Variants in KIF16B observed in about 807,000 individuals in gnomAD.
KIF16B encodes kinesin family member 16B, also known as kinesin-like protein KIF16B.
A neutral mutation model predicts 156.3 loss-of-function variants in KIF16B; 98 were observed. The ratio of observed to expected loss-of-function variants is 0.63; its 90% confidence interval spans 0.53 to 0.74. KIF16B has a LOEUF of 0.74. Among genes scored for constraint, KIF16B ranks in the 30% least tolerant of loss-of-function variants. KIF16B has a pLI of 0.00. For synonymous variants in KIF16B, 564 were observed against 583.7 expected, an observed-to-expected ratio of 0.97 and a Z score of 0.49; for missense variants, 1,421 against 1,606.5, an observed-to-expected ratio of 0.88 and a Z score of 1.97.
chr20:16,386,641 A>T (rs767806509), intron 17 of KIF16B, among the ~76,000 whole-genome samples: 3 of 151,812 alleles, frequency 2.0e-5, no homozygotes, highest in African/African-American at 4.8e-5. Context: ...AGCAGGAGAC[A>T]GAGAGATTGA....
intron 3 of KIF16B, among the ~76,000 whole-genome samples, chr20:16,517,598 C>T (rs558512139): frequency 1.3e-5 from 2 of 152,240 alleles, no homozygotes; most frequent in Admixed American, 1.3e-4. Context: ...GTCCTCTTCC[C>T]ACACCCTCGA....
chr20:16,287,231 A>T (rs1300191119), intron 25 of KIF16B, among the ~76,000 whole-genome samples: 1 of 152,260 alleles, frequency 6.6e-6, no homozygotes, highest in African/African-American at 2.4e-5. Flanking sequence ...ATAATTTATG[A>T]CTAAACATAA....
intron 25 of KIF16B, among the ~76,000 whole-genome samples, chr20:16,275,990 G>A (rs187807347): frequency 6.8e-4 from 103 of 152,344 alleles, no homozygotes; most frequent in Admixed American, 9.1e-4. Context: ...GCTGACTTGT[G>A]CATGGAGCCA....
rs1190562043 is a variant in KIF16B, at chr20:16,272,525, C to T, written c.*728G>A. ...AAAAAGCTCAAGAATGCACAGTAGC[C>T]ATTTAGATTTGGGAGAATGTTCTTG... is the stretch of plus-strand genomic sequence containing the variant. On this transcript the variant is annotated 3_prime_UTR_variant, in exon 26 of 26. Coordinates refer to ENST00000354981, the MANE Select transcript of KIF16B (RefSeq NM_024704.5). 6.6e-6 allele frequency: 1 copy of T among 152,534 alleles called. No individual in the cohort carries two copies. Among genetic ancestry groups the T allele is most frequent in the Admixed American group, 6.5e-5 (1 of 15,282 alleles). The allele number at this position is 152,534 out of a possible 1,614,324, so 9.4% of individuals were successfully genotyped here.
intron 25 of KIF16B, among the ~76,000 whole-genome samples, chr20:16,306,139 T>C (rs2063537576): frequency 6.6e-6 from 1 of 152,232 alleles, no homozygotes; most frequent in South Asian, 2.1e-4. Flanking sequence ...ACTGAGAAGC[T>C]TGCATGGTTC....
intron 12 of KIF16B, among the ~76,000 whole-genome samples, chr20:16,486,739 T>A (rs971653753): frequency 1.1e-4 from 17 of 152,164 alleles, no homozygotes; most frequent in South Asian, 2.1e-4. Flanking sequence ...GTACTTTCTA[T>A]CTTTAGAATG....
At chr20:16,351,641 C>T (rs912999739) in intron 23 of KIF16B, among the ~76,000 whole-genome samples, 3 of 151,938 alleles carry the variant, frequency 2.0e-5, no homozygotes, top group African/African-American at 7.2e-5. Flanking sequence ...GGCACTGCTT[C>T]AGCTTTCCCC....
chr20:16,509,440 A>G (rs138989013), intron 6 of KIF16B, among the ~76,000 whole-genome samples: 39 of 152,352 alleles, frequency 2.6e-4, no homozygotes, highest in African/African-American at 8.7e-4. Flanking sequence ...GTAGCAAGGT[A>G]TAAGAGTGCT....
At chr20:16,453,942 C>A (rs2067149064) in intron 12 of KIF16B, among the ~76,000 whole-genome samples, 1 of 152,118 alleles carries the variant, frequency 6.6e-6, no homozygotes, top group South Asian at 2.1e-4. Flanking sequence ...TGTGAACTTG[C>A]AGGAAGAAGT....
intron 23 of KIF16B, among the ~76,000 whole-genome samples, chr20:16,346,191 G>A (rs1439241421): frequency 6.6e-6 from 1 of 152,220 alleles, no homozygotes; most frequent in Non-Finnish European, 1.5e-5. Flanking sequence ...CTTGAGGGAA[G>A]AAGCTGGGCC....
intron 12 of KIF16B, among the ~76,000 whole-genome samples, chr20:16,481,040 G>C (rs1314195504): frequency 6.6e-6 from 1 of 152,156 alleles, no homozygotes; most frequent in East Asian, 1.9e-4. Flanking sequence ...ATGCTTTAGG[G>C]CTGTGCTTTC....
intron 12 of KIF16B, among the ~76,000 whole-genome samples, chr20:16,482,710 T>A (rs2068013890): frequency 6.6e-6 from 1 of 152,162 alleles, no homozygotes; most frequent in South Asian, 2.1e-4. Flanking sequence ...GATTCCTGAG[T>A]CATAAATATT....
chr20:16,511,422 A>C lies in KIF16B; in HGVS notation c.552T>G (p.Val184=). 6.4e-7 allele frequency: 1 copy of C among 1,565,394 alleles called. No homozygotes were observed. The highest frequency in any genetic ancestry group is 8.7e-7 in the Non-Finnish European group (1 of 1,143,986). The part of the protein sequence containing the change: ...VREHPKEGPY[V]EDLSKHLVQN... ...CTGTGAAATATCTACTCTTACCCTC[A>C]ACATAAGGGCCTTCTTTGGGATGCT... Residue 184 remains valine (V), a synonymous_variant, in exon 6 of 26, where the codon GTT becomes GTG. Coordinates refer to ENST00000354981, the MANE Select transcript of KIF16B (RefSeq NM_024704.5).
At chr20:16,273,600 G>A (rs1453867891) in intron 25 of KIF16B, among the ~76,000 whole-genome samples, 189 bp from the exon 26 acceptor site, 1 of 151,958 alleles carries the variant, frequency 6.6e-6, no homozygotes, top group Non-Finnish European at 1.5e-5. Flanking sequence ...GGAGGTAGAG[G>A]CTGCAGTGAG....
chr20:16,314,729 C>G (rs6043882), intron 24 of KIF16B, among the ~76,000 whole-genome samples: 109,819 of 152,126 alleles, frequency 0.72, 40,565 homozygotes, highest in East Asian at 0.96. Context: ...TAGAGATCTG[C>G]TAATTACTGA....
intron 17 of KIF16B, among the ~76,000 whole-genome samples, chr20:16,385,005 T>C (rs532947206): frequency 3.0e-4 from 46 of 152,184 alleles, no homozygotes; most frequent in Non-Finnish European, 4.7e-4. Flanking sequence ...GAGACCAACC[T>C]GGCCAACACG....
At chr20:16,322,788 T>C (rs959055977) in intron 24 of KIF16B, among the ~76,000 whole-genome samples, 1 of 152,022 alleles carries the variant, frequency 6.6e-6, no homozygotes, top group South Asian at 2.1e-4. Flanking sequence ...TGGAAAAATG[T>C]AATGGAAAAG....
intron 12 of KIF16B, among the ~76,000 whole-genome samples, chr20:16,451,018 A>G (rs2067066123): frequency 6.6e-6 from 1 of 152,212 alleles, no homozygotes; most frequent in African/African-American, 2.4e-5. Flanking sequence ...GTTTACAGAC[A>G]GGTCTGGGTC....
At chr20:16,286,187 T>C (rs893216435) in intron 25 of KIF16B, among the ~76,000 whole-genome samples, 8 of 152,222 alleles carry the variant, frequency 5.3e-5, no homozygotes, top group Non-Finnish European at 7.3e-5. Flanking sequence ...TAATGAAGAA[T>C]GAAGATTATT....
Sources: allele counts gnomAD v4.1 joint callset (sites outside exome capture counted in the v4.1 genomes callset), GRCh38; gene constraint gnomAD v4.1.1; transcripts MANE v1.5; gene names NCBI Gene and HGNC (gene_info 2026-07-23, HGNC 2026-07-21).